FERMT1: variants seen among roughly 807,000 people sequenced by gnomAD.
FERMT1 encodes the protein fermitin family homolog 1.
In FERMT1, 60 loss-of-function variants were observed where a neutral mutation model predicts 85.3. The ratio of observed to expected loss-of-function variants is 0.70; its 90% CI spans 0.57 to 0.87. The LOEUF (loss-of-function observed/expected upper bound fraction) is 0.87. FERMT1 is among the 40% of genes least tolerant of loss of function. The pLI is 0.00. For synonymous variants in FERMT1, 275 were observed against 301.1 expected, an observed-to-expected ratio of 0.91 and a Z score of 0.90; for missense variants, 701 against 818.9, an observed-to-expected ratio of 0.86 and a Z score of 1.76.
Position 6,119,363 on chromosome 20 carries a change from G to A in FERMT1, c.151+41C>T, listed in dbSNP as rs765872429. 6 of 1,603,130 alleles carry A rather than the reference G, an allele frequency of 3.7e-6. No homozygotes were observed. The East Asian group carries it at 6.7e-5, about 18-fold the overall frequency. On this transcript the variant is annotated intron_variant, in intron 2 of 14. Transcript: ENST00000217289. Reference sequence around the variant, plus strand: ...CCATTAGTGGTGATGCACCAGACAGGGTTTCTAATACAGAGAAACCGTAAA... The same window carrying A: ...CCATTAGTGGTGATGCACCAGACAGAGTTTCTAATACAGAGAAACCGTAAA...
rs772242250 is a variant in FERMT1, at chr20:6,115,798, C to G, written c.385+13G>C. 1.1e-5 allele frequency: 18 copies of G among 1,603,992 alleles called. No homozygotes were observed. Among genetic ancestry groups the G allele is most frequent in the Non-Finnish European group, 1.4e-5 (16 of 1,170,918 alleles). On this transcript the variant is annotated intron_variant, in intron 3 of 14. Coordinates refer to ENST00000217289, the MANE Select transcript of FERMT1 (RefSeq NM_017671.5). ...GAGTCTACAGGGCACAGGGGCCTTTCCTGGGTACTTACTCAGGATTTTGCA... is the reference window on the plus strand; with the variant it reads ...GAGTCTACAGGGCACAGGGGCCTTTGCTGGGTACTTACTCAGGATTTTGCA...
rs770494158 is a variant in FERMT1, at chr20:6,096,953, C to T, written c.1038G>A (p.Ala346=). 47 of 1,613,904 alleles carry T rather than the reference C, an allele frequency of 2.9e-5. No homozygotes were observed. The highest frequency in any genetic ancestry group is 3.3e-4 in the Middle Eastern group (2 of 6,062). ...CTAGGGTTACTTCCAAATTAGAAAG[C>T]GCCGCTTCTATTTCATCAACCTCGG... ...GESEVDEIEA[A]LSNLEVTLEG... The change falls in exon 8 of 15, where the codon GCG becomes GCA. Residue 346 remains alanine (A), a synonymous_variant. Coordinates refer to ENST00000217289, the MANE Select transcript of FERMT1 (RefSeq NM_017671.5).
At chr20:6,116,160 G>A in intron 2 of FERMT1, 116 bp from the exon 3 acceptor site, 1 of 751,398 alleles carries the variant, frequency 1.3e-6, no homozygotes, top group South Asian at 1.5e-5. Flanking sequence ...CTGATCTCCA[G>A]CTCCTCATGG....
intron 6 of FERMT1, among the ~76,000 whole-genome samples, chr20:6,100,828 A>G (rs182007882): frequency 1.2e-3 from 180 of 152,334 alleles, no homozygotes; most frequent in Admixed American, 0.01. Context: ...AATTTATAAA[A>G]TATAGGATAC....
chr20:6,087,870 C>T lies in FERMT1; in HGVS notation c.1278G>A (p.Val426=), dbSNP rs146325251. The T allele has an allele frequency of 3.7e-5, 59 of 1,602,978 alleles. No homozygotes were observed. The highest frequency in any genetic ancestry group is 5.0e-5 in the Non-Finnish European group (58 of 1,170,188). Residue 426 remains valine (V), a synonymous_variant, in exon 11 of 15, where the codon GTG becomes GTA. Transcript: ENST00000217289. ...TTCTTCCTGCTACATTTACATCGGG[C>T]ACAACTTCGCAGCCTGAAGGACAAA... ...EKLNLRGCEV[V]PDVNVAGRKF...
chr20:6,088,318 A>C (rs1299887870), intron 10 of FERMT1, among the ~76,000 whole-genome samples: 3 of 152,234 alleles, frequency 2.0e-5, no homozygotes, highest in Non-Finnish European at 4.4e-5. Flanking sequence ...ATAGGCATTA[A>C]AGTGACACTG....
intron 9 of FERMT1, among the ~76,000 whole-genome samples, chr20:6,089,793 A>G (rs3789332): frequency 0.29 from 43,507 of 152,118 alleles, 6,374 homozygotes; most frequent in South Asian, 0.43. Flanking sequence ...TGGGGCCAGA[A>G]AACTTTATAC....
At chr20:6,113,440 T>C (rs564955912) in intron 3 of FERMT1, among the ~76,000 whole-genome samples, 2 of 152,302 alleles carry the variant, frequency 1.3e-5, no homozygotes, top group Admixed American at 6.5e-5. Context: ...CTTTTTTCTT[T>C]ATAGATCACA....
intron 1 of FERMT1, among the ~76,000 whole-genome samples, chr20:6,120,085 TTATCTTTAA>T (rs1983228725): frequency 2.6e-5 from 4 of 152,174 alleles, no homozygotes; most frequent in Non-Finnish European, 5.9e-5. Flanking sequence ...TTAAAGCCTC[TTATCTTTAA>T]TATCTTTAAT....
rs1203373845 is a variant in FERMT1 at position 6,076,221 on chromosome 20, A to G, written c.*952T>C. On this transcript the variant is annotated 3_prime_UTR_variant, in exon 15 of 15. Coordinates refer to ENST00000217289, the MANE Select transcript of FERMT1 (RefSeq NM_017671.5). ...AGTGGGGAGCTGTCAGACCTTGGAC[A>G]TGGTGGTCTTTGAGAATGGGTCTGC... is the stretch of plus-strand genomic sequence containing the variant. 1 of 317,908 alleles carries G rather than the reference A, an allele frequency of 3.1e-6. No homozygotes were observed. The highest frequency in any genetic ancestry group is 6.2e-6 in the Non-Finnish European group (1 of 160,518). 19.7% of individuals were successfully genotyped at this position (317,908 alleles called of 1,614,324 possible).
intron 9 of FERMT1, among the ~76,000 whole-genome samples, chr20:6,092,022 C>T (rs1427441352): frequency 6.6e-6 from 1 of 151,266 alleles, no homozygotes; most frequent in African/African-American, 2.4e-5. Flanking sequence ...CTCATTGCAA[C>T]CTCTGCTTCC....
chr20:6,085,330 C>G (rs377406744), intron 11 of FERMT1, 43 bp from the exon 12 acceptor site: 2 of 1,560,564 alleles, frequency 1.3e-6, no homozygotes, highest in East Asian at 4.5e-5. Flanking sequence ...AAGTGCAAAG[C>G]CCCCTGCTGC....
At chr20:6,091,147 A>G (rs556064128) in intron 9 of FERMT1, among the ~76,000 whole-genome samples, 1 of 151,922 alleles carries the variant, frequency 6.6e-6, no homozygotes, top group Non-Finnish European at 1.5e-5. Context: ...TGGGTGACAG[A>G]GCAAGACTTC....
chr20:6,076,391 A>C lies in FERMT1; in HGVS notation c.*782T>G. On this transcript the variant is annotated 3_prime_UTR_variant, in exon 15 of 15. Coordinates refer to ENST00000217289, the MANE Select transcript of FERMT1 (RefSeq NM_017671.5). ...GTGGAGACATGGATCTGGGTTGAGAAATGGGTTTTCCTGTCCCCCTGTGTC... is the reference window on the plus strand; with the variant it reads ...GTGGAGACATGGATCTGGGTTGAGACATGGGTTTTCCTGTCCCCCTGTGTC... 2.0e-6 allele frequency: 1 copy of C among 509,704 alleles called. No individual in the cohort carries two copies. Among genetic ancestry groups the C allele is most frequent in the Non-Finnish European group, 3.9e-6 (1 of 255,714 alleles). 31.6% of individuals were successfully genotyped at this position (509,704 alleles called of 1,614,324 possible). A position where few individuals can be genotyped will look rare whatever the true frequency, so the allele number is the denominator to read the frequency against.
At chr20:6,097,722 A>G (rs889134240) in intron 6 of FERMT1, 91 bp from the exon 7 acceptor site, 99 of 889,384 alleles carry the variant, frequency 1.1e-4, no homozygotes, top group Non-Finnish European at 1.7e-4. Flanking sequence ...ATTCTCTGTT[A>G]ATCAGATGCA....
chr20:6,094,802 G>A (rs913387320), intron 9 of FERMT1, 137 bp downstream of exon 9: 2 of 692,798 alleles, frequency 2.9e-6, no homozygotes, highest in East Asian at 2.6e-5. Flanking sequence ...TCAACCCATT[G>A]TTTGTCTGAT....
At chr20:6,096,762 G>A (rs1982509265) in intron 8 of FERMT1, 140 bp downstream of exon 8, 4 of 949,296 alleles carry the variant, frequency 4.2e-6, no homozygotes, top group South Asian at 2.9e-5. Flanking sequence ...CTAGGTTGAA[G>A]CTTGTTAGGT....
intron 5 of FERMT1, 46 bp downstream of exon 5, chr20:6,110,252 G>T: frequency 6.8e-7 from 1 of 1,479,994 alleles, no homozygotes; most frequent in Non-Finnish European, 9.4e-7. Flanking sequence ...ATCTCTTACT[G>T]TGTCGGCACT....
Position 6,084,116 on chromosome 20 carries a change from G to A in FERMT1, c.1642C>T (p.Leu548=). 6.2e-7 allele frequency: 1 copy of A among 1,613,748 alleles called. No individual in the cohort carries two copies. ...ATGAACCGCAGCTTGGCTTCGACCA[G>A]GGGCATCTGGGCCACGTTCTGGTGC... ...EAHQNVAQMP[L]VEAKLRFIQA... The change falls in exon 13 of 15, where the codon CTG becomes TTG. Residue 548 remains leucine, a synonymous_variant. Transcript: ENST00000217289.
Sources: allele counts gnomAD v4.1 joint callset (sites outside exome capture counted in the v4.1 genomes callset), GRCh38; gene constraint gnomAD v4.1.1; transcripts MANE v1.5; gene names NCBI Gene and HGNC (gene_info 2026-07-23, HGNC 2026-07-21).